The following NUP62 variants were observed in gnomAD, a reference collection of about 807,000 sequenced individuals.
NUP62 encodes nucleoporin 62.
For synonymous variants in NUP62, 305 were observed against 303.4 expected, an observed-to-expected ratio of 1.01 and a Z score of -0.05; for missense variants, 647 against 689.4, an observed-to-expected ratio of 0.94 and a Z score of 0.69.
rs576700019 is a variant in NUP62 at position 49,914,127 on chromosome 19, T to C, written c.-77-4243A>G. Among the ~76,000 whole-genome samples, 15 of 152,218 alleles carry C rather than the reference T, an allele frequency of 9.9e-5. 2 individuals are homozygous for C. In the South Asian group the frequency reaches 2.3e-3, roughly 23 times the overall value. ...ACTTTCGGAGGCCAAGGCAGGAGGATTGCTTAAGCCCAGGAGTTTGAGGCA... is the reference window on the plus strand; with the variant it reads ...ACTTTCGGAGGCCAAGGCAGGAGGACTGCTTAAGCCCAGGAGTTTGAGGCA... On this transcript the variant is annotated intron_variant, in intron 2 of 2. Transcript: ENST00000352066.
At chr19:49,927,890 C>G (rs1173520447) in intron 1 of NUP62, 75 bp from the exon 2 acceptor site, 3 of 152,286 alleles carry the variant, frequency 2.0e-5, no homozygotes, top group African/African-American at 7.2e-5. Context: ...GGCAAGATGG[C>G]TACCCTGTGA....
chr19:49,924,551 A>G (rs1364219191), intron 2 of NUP62, among the ~76,000 whole-genome samples: 1 of 152,160 alleles, frequency 6.6e-6, no homozygotes, highest in African/African-American at 2.4e-5. Flanking sequence ...AAGAGTCCCC[A>G]GTAGCCCCAC....
intron 2 of NUP62, among the ~76,000 whole-genome samples, chr19:49,914,726 G>GTTTTT (rs530372497): frequency 0.061 from 3,439 of 56,266 alleles, 939 homozygotes; most frequent in Middle Eastern, 0.074. Context: ...CCAAGTCCCA[G>GTTTTT]TTTTTTTTTT....
intron 2 of NUP62, among the ~76,000 whole-genome samples, chr19:49,919,967 T>G (rs2075725233): frequency 6.6e-6 from 1 of 152,146 alleles, no homozygotes. Context: ...TCACTCTGTC[T>G]CCCAGGCTGG....
intron 2 of NUP62, among the ~76,000 whole-genome samples, chr19:49,925,118 A>C (rs2075855177): frequency 6.6e-6 from 1 of 151,922 alleles, no homozygotes; most frequent in South Asian, 2.1e-4. Flanking sequence ...AAAATTAGCC[A>C]TGTGTGGTGA....
intron 2 of NUP62, among the ~76,000 whole-genome samples, chr19:49,911,675 G>A (rs1286503534): frequency 6.6e-6 from 1 of 152,206 alleles, no homozygotes; most frequent in Non-Finnish European, 1.5e-5. Context: ...CACACGCTCT[G>A]CCTTGTCTAA....
rs2075403981 is a variant in NUP62, at chr19:49,909,404, G to C, written c.404C>G (p.Thr135Arg). 1.9e-6 allele frequency: 3 copies of C among 1,613,880 alleles called. No homozygotes were observed. The highest frequency in any genetic ancestry group is 1.7e-5 in the Admixed American group (1 of 60,028). The change falls in exon 3 of 3, where the codon ACA (threonine) becomes AGA (arginine). Residue 135 changes from threonine to arginine, a missense_variant. Transcript: ENST00000352066. ...ISSTVTSSQG[T>R]APTGFVFGPS... The stretch of plus-strand genomic sequence containing the variant: ...GCCAAACACAAAGCCGGTGGGTGCT[G>C]TGCCCTGGCTGGAGGTGACGGTGCT...
In NUP62 at chr19:49,908,160, CA is replaced by C. The variant is rs2075365017; in HGVS notation, c.*78del. The stretch of plus-strand genomic sequence containing the variant: ...AAACAAACAAACAAGTATCTTGCCA[CA>C]ACCCCAAACTACAGACAACAGGGCG... On this transcript the variant is annotated 3_prime_UTR_variant, in exon 3 of 3. Coordinates refer to ENST00000352066, the MANE Select transcript of NUP62 (RefSeq NM_016553.5). 1.3e-6 allele frequency: 2 copies of C among 1,563,250 alleles called. No homozygotes were observed. Among genetic ancestry groups the C allele is most frequent in the African/African-American group, 1.4e-5 (1 of 74,042 alleles).
rs1434187099 is a variant in NUP62 at position 49,906,955 on chromosome 19, CAG to C, written c.*1282_*1283del. ...ACCGCTAGCTTCTGCCTTCCACACA[CAG>C]TGGATTTTACTGTAACTGACTAGAG... On this transcript the variant is annotated 3_prime_UTR_variant, in exon 3 of 3. Transcript: ENST00000352066. The C allele has an allele frequency of 2.6e-5, 4 of 152,876 alleles. No individual in the cohort carries two copies. The highest frequency in any genetic ancestry group is 9.7e-5 in the African/African-American group (4 of 41,450). 9.5% of individuals were successfully genotyped at this position (152,876 alleles called of 1,614,324 possible).
At chr19:49,912,239 G>A (rs1015096616) in intron 2 of NUP62, among the ~76,000 whole-genome samples, 9 of 144,824 alleles carry the variant, frequency 6.2e-5, no homozygotes, top group African/African-American at 1.8e-4. Context: ...GCATGATCTC[G>A]GCTCACTGCA....
rs1258806142 is a variant in NUP62 at position 49,907,437 on chromosome 19, T to TC, written c.*801dup. The stretch of plus-strand genomic sequence containing the variant: ...TGTGAAATTCTTGATCCCGCTCTGT[T>TC]CTATTCACACTGTGCTGCTTTGCCT... On this transcript the variant is annotated 3_prime_UTR_variant, in exon 3 of 3. Transcript: ENST00000352066. The TC allele has an allele frequency of 4.7e-6, 2 of 421,080 alleles. No individual in the cohort carries two copies. The highest frequency in any genetic ancestry group is 9.2e-6 in the Non-Finnish European group (2 of 218,016). 26.1% of individuals were successfully genotyped at this position (421,080 alleles called of 1,614,324 possible). A position where few individuals can be genotyped will look rare whatever the true frequency, so the allele number is the denominator to read the frequency against.
At chr19:49,920,482 A>G (rs1213339385) in intron 2 of NUP62, among the ~76,000 whole-genome samples, 3 of 152,210 alleles carry the variant, frequency 2.0e-5, no homozygotes, top group Non-Finnish European at 4.4e-5. Context: ...GGACACTGAT[A>G]AATGGATATG....
intron 2 of NUP62, among the ~76,000 whole-genome samples, chr19:49,916,237 G>A (rs1209045989): frequency 6.6e-6 from 1 of 152,148 alleles, no homozygotes; most frequent in Non-Finnish European, 1.5e-5. Context: ...AGAATTAAGT[G>A]TTGGCCAAGT....
At chr19:49,927,022 A>G (rs184008) in intron 2 of NUP62, among the ~76,000 whole-genome samples, 151,842 of 152,122 alleles carry the variant, frequency 1, 75,781 homozygotes, top group Middle Eastern at 1. Context: ...ACCACACCCG[A>G]CTATTTTTTT....
At chr19:49,915,598 T>C (rs2075602716) in intron 2 of NUP62, among the ~76,000 whole-genome samples, 2 of 152,092 alleles carry the variant, frequency 1.3e-5, no homozygotes, top group African/African-American at 4.8e-5. Context: ...TAGAAACCAA[T>C]GGCGGTAGGT....
In NUP62 at chr19:49,921,600, G is replaced by C. The variant is rs900637775; in HGVS notation, c.-78+6094C>G. ...GTAGGTCAGGAAGAAGAGGGCAAAGGAGTCTGCATCAAACTGGGCTAAGGC... is the reference window on the plus strand; with the variant it reads ...GTAGGTCAGGAAGAAGAGGGCAAAGCAGTCTGCATCAAACTGGGCTAAGGC... On this transcript the variant is annotated intron_variant, in intron 2 of 2. Transcript: ENST00000352066. This position sits in a 1 kb window ranked among gnomAD's most constrained non-coding sequence, Gnocchi z 5.4. 6.6e-6 allele frequency among the ~76,000 whole-genome samples: 1 copy of C among 152,210 alleles called. No homozygotes were observed. The highest frequency in any genetic ancestry group is 2.4e-5 in the African/African-American group (1 of 41,460).
intron 2 of NUP62, among the ~76,000 whole-genome samples, chr19:49,920,631 C>A (rs1022659855): frequency 1.3e-5 from 2 of 152,186 alleles, no homozygotes; most frequent in East Asian, 1.9e-4. Flanking sequence ...GACTTTACCC[C>A]GAGGGCAACG....
At chr19:49,920,903 G>A (rs766578120) in intron 2 of NUP62, among the ~76,000 whole-genome samples, 3 of 152,152 alleles carry the variant, frequency 2.0e-5, no homozygotes, top group Non-Finnish European at 4.4e-5. Context: ...CAGCTTCCCC[G>A]GGGAGAGGCA....
At chr19:49,923,728 T>C (rs539067007) in intron 2 of NUP62, among the ~76,000 whole-genome samples, 5 of 152,338 alleles carry the variant, frequency 3.3e-5, no homozygotes, top group East Asian at 3.9e-4. Context: ...CAATGGACCA[T>C]CTCATCCCCA....
Sources: gnomAD v4.1 joint callset for allele counts (sites outside exome capture counted in the v4.1 genomes callset) on GRCh38, gnomAD v4.1.1 for gene constraint, Gnocchi (gnomAD v3.1) non-coding constraint, MANE v1.5 for transcripts, NCBI Gene and HGNC (gene_info 2026-07-23, HGNC 2026-07-21) for gene names.